Variants in HIVEP2 observed in about 807,000 individuals in gnomAD.
HIVEP2 encodes transcription factor HIVEP2.
Under a neutral mutation model 180.7 loss-of-function variants are expected in HIVEP2, and 14 were observed. That is an observed-to-expected ratio of 0.08 (90% confidence interval 0.05 to 0.12). The LOEUF (loss-of-function observed/expected upper bound fraction) is 0.12, where lower values mean the gene tolerates loss of function less well. Among genes scored for constraint, HIVEP2 ranks in the 10% least tolerant of loss-of-function variants. The pLI is 1.00. For missense variants in HIVEP2, 2,579 were observed against 3,008.5 expected (o/e 0.86, Z 3.34); for synonymous variants, 1,184 against 1,136.4 (o/e 1.04, Z -0.84).
Position 142,774,608 on chromosome 6 carries a change from C to A in HIVEP2, c.131G>T (p.Gly44Val), listed in dbSNP as rs1230993811. Residue 44 changes from glycine to valine, a missense_variant, in exon 5 of 10, where the codon GGA becomes GTA. Gly to Val is a moderately radical substitution (Grantham distance 109). Coordinates refer to ENST00000367603, the MANE Select transcript of HIVEP2 (RefSeq NM_006734.4). The surrounding 1 kb of genome is among the most constrained non-coding windows in gnomAD (Gnocchi z 5.1). ...AGGCTCTATTTGTGGTTGCCGCTGT[C>A]CTTCATGACTGCCAAAAGTGCTCAT... ...IKMSTFGSHEGQRQPQIEPEQ... is the reference protein window; with the variant it reads ...IKMSTFGSHEVQRQPQIEPEQ... 1.2e-6 allele frequency: 2 copies of A among 1,614,204 alleles called. No homozygotes were observed. Among genetic ancestry groups the A allele is most frequent in the Non-Finnish European group, 1.7e-6 (2 of 1,180,030 alleles).
At chr6:142,918,124 G>A (rs1424531460) in intron 1 of HIVEP2, among the ~76,000 whole-genome samples, 2 of 152,110 alleles carry the variant, frequency 1.3e-5, no homozygotes, top group Non-Finnish European at 2.9e-5. Flanking sequence ...AACTACAACA[G>A]TCTCTCTACT....
chr6:142,927,589 G>C (rs989919009), intron 1 of HIVEP2, among the ~76,000 whole-genome samples: 4 of 152,028 alleles, frequency 2.6e-5, no homozygotes. Context: ...TTATTTATTA[G>C]GACCTTAAGT....
At chr6:142,934,106 A>G (rs1228227298) in intron 1 of HIVEP2, among the ~76,000 whole-genome samples, 1 of 152,234 alleles carries the variant, frequency 6.6e-6, no homozygotes, top group Non-Finnish European at 1.5e-5. Context: ...AATATCAGTC[A>G]ATTATCTCAA....
intron 1 of HIVEP2, among the ~76,000 whole-genome samples, chr6:142,925,706 A>C (rs1280899143): frequency 2.0e-5 from 3 of 152,254 alleles, no homozygotes; most frequent in African/African-American, 7.2e-5. Flanking sequence ...CATTTAGGCA[A>C]CACTACTGAA....
At chr6:142,936,580 T>G (rs1047157420) in intron 1 of HIVEP2, among the ~76,000 whole-genome samples, 2 of 152,126 alleles carry the variant, frequency 1.3e-5, no homozygotes, top group African/African-American at 4.8e-5. Flanking sequence ...GCTATAATAT[T>G]TAGGTGTCAA....
chr6:142,862,009 T>A (rs1026160558), intron 1 of HIVEP2, among the ~76,000 whole-genome samples: 28 of 152,186 alleles, frequency 1.8e-4, no homozygotes, highest in African/African-American at 6.8e-4. Flanking sequence ...TGAAGTTTTA[T>A]ACCGTTACTT....
intron 1 of HIVEP2, among the ~76,000 whole-genome samples, chr6:142,925,708 A>T (rs1032227544): frequency 3.9e-5 from 6 of 152,224 alleles, no homozygotes; most frequent in Non-Finnish European, 7.3e-5. Flanking sequence ...TTTAGGCAAC[A>T]CTACTGAAAG....
intron 2 of HIVEP2, among the ~76,000 whole-genome samples, chr6:142,830,188 C>CA (rs984701280): frequency 8.6e-5 from 13 of 151,168 alleles, no homozygotes; most frequent in African/African-American, 2.9e-4. Context: ...ATGCCTAGTA[C>CA]TTTTTTTTTA....
At chr6:142,874,982 T>C (rs1037854153) in intron 1 of HIVEP2, among the ~76,000 whole-genome samples, 2 of 152,130 alleles carry the variant, frequency 1.3e-5, no homozygotes, top group African/African-American at 4.8e-5. Context: ...AGGTGAATAA[T>C]AAAATGTCAG....
chr6:142,801,796 C>T (rs1382757927), intron 2 of HIVEP2, among the ~76,000 whole-genome samples: 1 of 152,046 alleles, frequency 6.6e-6, no homozygotes, highest in Non-Finnish European at 1.5e-5. Flanking sequence ...AATCCATGGC[C>T]CTTCTCAATC....
rs547469494 is a variant in HIVEP2 at position 142,817,181 on chromosome 6, T to A, written c.-528+19754A>T. 7.2e-5 allele frequency among the ~76,000 whole-genome samples: 11 copies of A among 152,338 alleles called. No individual in the cohort carries two copies. In the East Asian group the frequency reaches 1.5e-3, roughly 21 times the overall value. ...GAGTCTCAGAGATTAGGTCTATATA[T>A]TTTAGAAATGTAATAGTACCTTCTT... On this transcript the variant is annotated intron_variant, in intron 2 of 9. Coordinates refer to ENST00000367603, the MANE Select transcript of HIVEP2 (RefSeq NM_006734.4).
At chr6:142,940,339 G>A (rs940346363) in intron 1 of HIVEP2, among the ~76,000 whole-genome samples, 11 of 152,300 alleles carry the variant, frequency 7.2e-5, no homozygotes, top group Non-Finnish European at 7.4e-5. Flanking sequence ...TCAAACTGAA[G>A]TCATTACATA....
At chr6:142,759,226 C>G (rs1207671970) in intron 9 of HIVEP2, among the ~76,000 whole-genome samples, 1 of 152,084 alleles carries the variant, frequency 6.6e-6, no homozygotes, top group Non-Finnish European at 1.5e-5. Context: ...TCGCTTCAAC[C>G]TGGGAGGCGG....
intron 1 of HIVEP2, among the ~76,000 whole-genome samples, chr6:142,905,102 C>A (rs1297407822): frequency 4.6e-5 from 7 of 152,110 alleles, no homozygotes; most frequent in East Asian, 3.8e-4. Flanking sequence ...GGGAAAACAA[C>A]CTTTCATTCA....
chr6:142,794,199 A>ACAT (rs1020869782), intron 2 of HIVEP2: 2 of 152,184 alleles, frequency 1.3e-5, no homozygotes, highest in Non-Finnish European at 2.9e-5. Context: ...TTGGTCACTA[A>ACAT]CATCACTTCT....
At chr6:142,877,903 C>T (rs528098140) in intron 1 of HIVEP2, among the ~76,000 whole-genome samples, 9 of 152,208 alleles carry the variant, frequency 5.9e-5, no homozygotes, top group African/African-American at 2.2e-4. Flanking sequence ...ATTGCTTGAT[C>T]GTGGAAATGC....
At chr6:142,798,323 A>G (rs1389664769) in intron 2 of HIVEP2, among the ~76,000 whole-genome samples, 2 of 152,172 alleles carry the variant, frequency 1.3e-5, no homozygotes, top group Non-Finnish European at 2.9e-5. Context: ...AAGGCTTCAC[A>G]GATCTCTGGA....
chr6:142,863,390 A>G (rs1329344589), intron 1 of HIVEP2, among the ~76,000 whole-genome samples: 2 of 152,100 alleles, frequency 1.3e-5, no homozygotes, highest in East Asian at 3.9e-4. Flanking sequence ...TTTTTATTTC[A>G]AAATCTCAGA....
intron 1 of HIVEP2, among the ~76,000 whole-genome samples, chr6:142,944,165 A>G (rs1366292351): frequency 6.6e-6 from 1 of 152,132 alleles, no homozygotes; most frequent in Non-Finnish European, 1.5e-5. Flanking sequence ...AAGTCCCTGA[A>G]GGACAACACC....
Sources: allele counts gnomAD v4.1 joint callset (sites outside exome capture counted in the v4.1 genomes callset), GRCh38; gene constraint gnomAD v4.1.1; non-coding constraint Gnocchi (gnomAD v3.1); transcripts MANE v1.5; gene names NCBI Gene and HGNC (gene_info 2026-07-23, HGNC 2026-07-21).